Variants in DNAH10 observed in about 807,000 individuals in gnomAD.
DNAH10 encodes the protein dynein axonemal heavy chain 10.
Under a neutral mutation model 506.6 loss-of-function variants are expected in DNAH10, and 348 were observed. The observed-to-expected ratio is 0.69, with a 90% CI of 0.63 to 0.75. The LOEUF (loss-of-function observed/expected upper bound fraction) is 0.75, where lower values mean the gene tolerates loss of function less well. DNAH10 is among the 30% of genes least tolerant of loss of function. DNAH10 has a pLI of 0.00. For synonymous variants in DNAH10, 2,059 were observed against 2,198.6 expected (o/e 0.94, Z 1.78); for missense variants, 5,179 against 5,787.1 (o/e 0.89, Z 3.41).
At chr12:123,892,632 T>G (rs538081739) in intron 52 of DNAH10, among the ~76,000 whole-genome samples, 58 of 152,344 alleles carry the variant, frequency 3.8e-4, no homozygotes, top group African/African-American at 7.5e-4. Flanking sequence ...GCCTGCCACG[T>G]TAACTCTTCC....
At chr12:123,855,597 A>T (rs1390986416) in intron 36 of DNAH10, among the ~76,000 whole-genome samples, 1 of 150,326 alleles carries the variant, frequency 6.7e-6, no homozygotes, top group Non-Finnish European at 1.5e-5. Context: ...TGGCACTATT[A>T]CACTCCAGCC....
chr12:123,889,709 G>A (rs530648620), intron 52 of DNAH10, among the ~76,000 whole-genome samples: 63 of 152,280 alleles, frequency 4.1e-4, no homozygotes, highest in African/African-American at 1.4e-3. Context: ...ACTCCCTATG[G>A]CTGCTGTAGC....
rs1341801745 is a variant in DNAH10 at position 123,910,946 on chromosome 12, C to T, written c.10134+274C>T. Among the ~76,000 whole-genome samples, 7 of 152,012 alleles carry T rather than the reference C, an allele frequency of 4.6e-5. 1 individual carries two copies. The South Asian group carries it at 6.2e-4, about 14-fold the overall frequency. On this transcript the variant is annotated intron_variant, in intron 59 of 78. Coordinates refer to ENST00000673944, the MANE Select transcript of DNAH10 (RefSeq NM_001372106.1). Reference sequence around the variant, plus strand: ...TTCAGACCAGGCGTGGTAGCTCATGCCTGTAATCCAGCACTTTGGAAGGCC... The same window carrying T: ...TTCAGACCAGGCGTGGTAGCTCATGTCTGTAATCCAGCACTTTGGAAGGCC...
intron 50 of DNAH10, among the ~76,000 whole-genome samples, 163 bp from the exon 51 acceptor site, chr12:123,881,462 T>C (rs1343368057): frequency 1.3e-5 from 2 of 152,246 alleles, no homozygotes; most frequent in Non-Finnish European, 2.9e-5. Context: ...TTGAGAAGTG[T>C]CTGTTCGTAT....
chr12:123,928,131 A>C lies in DNAH10; in HGVS notation c.12106-256A>C. On this transcript the variant is annotated intron_variant, in intron 69 of 78. Coordinates refer to ENST00000673944, the MANE Select transcript of DNAH10 (RefSeq NM_001372106.1). This position sits in a 1 kb window ranked among gnomAD's most constrained non-coding sequence, Gnocchi z 4.9. Reference sequence around the variant, plus strand: ...GGGAGGAGCTGGGACTTCCAGGGCCAGGGAGGCAGATGAGTGCAAAATGCT... The same window carrying C: ...GGGAGGAGCTGGGACTTCCAGGGCCCGGGAGGCAGATGAGTGCAAAATGCT... 1 of 572,636 alleles carries C rather than the reference A, an allele frequency of 1.7e-6. No homozygotes were observed. The highest frequency in any genetic ancestry group is 1.9e-5 in the African/African-American group (1 of 53,434). The allele number at this position is 572,636 out of a possible 1,614,324, so 35.5% of individuals were successfully genotyped here.
At position 123,835,270 on chromosome 12, in the gene DNAH10, C is replaced by T. The variant is rs1298076215; in HGVS notation, c.4780-136C>T. ...GAGGGGAGCTGGCCATGCAGATGCT[C>T]ACTCTGTCACCTTGCCTGGAAGGTC... On this transcript the variant is annotated intron_variant, in intron 27 of 78. Transcript: ENST00000673944. The T allele has an allele frequency of 3.4e-5, 32 of 927,870 alleles. No individual in the cohort carries two copies. The East Asian group carries it at 8.6e-4, about 25-fold the overall frequency. The allele number at this position is 927,870 out of a possible 1,614,324, so 57.5% of individuals were successfully genotyped here.
chr12:123,897,810 G>A lies in DNAH10; in HGVS notation c.9321G>A (p.Val3107=). 1.9e-6 allele frequency: 3 copies of A among 1,609,424 alleles called. No homozygotes were observed. Among genetic ancestry groups the A allele is most frequent in the Non-Finnish European group, 2.5e-6 (3 of 1,178,782 alleles). The change falls in exon 55 of 79, where the codon GTG becomes GTA. Residue 3107 remains valine (V), a synonymous_variant. Transcript: ENST00000673944. ...PMIPAENIEN[V]VKHVVLVHQS... ...TCCCGGCAGAAAATATAGAAAATGT[G>A]GTGAAGCATGTTGTCTTGGTTCACC...
At chr12:123,887,440 T>G in intron 52 of DNAH10, 127 bp downstream of exon 52, 1 of 1,125,798 alleles carries the variant, frequency 8.9e-7, no homozygotes, top group Non-Finnish European at 1.2e-6. Context: ...TGTTCCTCCC[T>G]CACGGCGGCC....
chr12:123,907,254 A>G lies in DNAH10; in HGVS notation c.9816-2007A>G, dbSNP rs1483568642. 6.6e-6 allele frequency among the ~76,000 whole-genome samples: 1 copy of G among 152,228 alleles called. No individual in the cohort carries two copies. Among genetic ancestry groups the G allele is most frequent in the Admixed American group, 6.5e-5 (1 of 15,290 alleles). ...AGGGGGCACCTTCTCTGAGATTGCA[A>G]GGAGCTCGGCTGGAGAAAAAGCAGA... On this transcript the variant is annotated intron_variant, in intron 57 of 78. Coordinates refer to ENST00000673944, the MANE Select transcript of DNAH10 (RefSeq NM_001372106.1). The surrounding 1 kb of genome is among the most constrained non-coding windows in gnomAD (Gnocchi z 4.4).
intron 6 of DNAH10, among the ~76,000 whole-genome samples, chr12:123,781,816 C>T (rs559681542): frequency 1.3e-5 from 2 of 152,164 alleles, no homozygotes; most frequent in South Asian, 4.1e-4. Flanking sequence ...TAGTAGTCAA[C>T]ATCCAGTGAT....
chr12:123,894,405 C>T (rs545499124), intron 53 of DNAH10, among the ~76,000 whole-genome samples: 4 of 152,148 alleles, frequency 2.6e-5, no homozygotes, highest in East Asian at 1.9e-4. Context: ...TACAGGTGTG[C>T]ACCACTACTG....
intron 23 of DNAH10, among the ~76,000 whole-genome samples, chr12:123,819,649 C>G (rs1044181726): frequency 2.0e-5 from 3 of 151,418 alleles, no homozygotes; most frequent in Non-Finnish European, 4.4e-5. Context: ...GTCCTCTGCC[C>G]TTCACATCAC....
intron 30 of DNAH10, among the ~76,000 whole-genome samples, chr12:123,842,654 T>G (rs1950813134): frequency 6.6e-6 from 1 of 152,220 alleles, no homozygotes; most frequent in Non-Finnish European, 1.5e-5. Context: ...ATATCAAAAA[T>G]TTGTTTGCAT....
In DNAH10 at chr12:123,917,489, A is replaced by T; in HGVS notation, c.11003-95A>T. On this transcript the variant is annotated intron_variant, in intron 63 of 78. Coordinates refer to ENST00000673944, the MANE Select transcript of DNAH10 (RefSeq NM_001372106.1). This position sits in a 1 kb window ranked among gnomAD's most constrained non-coding sequence, Gnocchi z 5.6. ...CCTCGTGCCTCTGGCCTGCTGGCTGAGACCCGCGCTAAGCTTGTCCCGTCA... is the reference window on the plus strand; with the variant it reads ...CCTCGTGCCTCTGGCCTGCTGGCTGTGACCCGCGCTAAGCTTGTCCCGTCA... 1 of 1,291,494 alleles carries T rather than the reference A, an allele frequency of 7.7e-7. No homozygotes were observed. The highest frequency in any genetic ancestry group is 1.1e-6 in the Non-Finnish European group (1 of 937,778). The allele number at this position is 1,291,494 out of a possible 1,614,324, so 80.0% of individuals were successfully genotyped here. A position where few individuals can be genotyped will look rare whatever the true frequency, so the allele number is the denominator to read the frequency against.
intron 66 of DNAH10, 129 bp downstream of exon 66, chr12:123,923,996 T>G: frequency 5.2e-6 from 4 of 764,910 alleles, no homozygotes; most frequent in Non-Finnish European, 6.2e-6. Context: ...GCACTGCATT[T>G]TTCACTATTC....
chr12:123,923,199 A>G (rs1045369117), intron 65 of DNAH10: 5 of 152,206 alleles, frequency 3.3e-5, no homozygotes, highest in African/African-American at 1.2e-4. Flanking sequence ...CCAGCATCCA[A>G]ATCTGGCCCA....
chr12:123,854,807 G>C (rs1473264149), intron 36 of DNAH10, among the ~76,000 whole-genome samples: 1 of 152,190 alleles, frequency 6.6e-6, no homozygotes, highest in Non-Finnish European at 1.5e-5. Flanking sequence ...GGATGAGTGA[G>C]GATTTAGCAT....
At chr12:123,884,798 T>A (rs968952227) in intron 51 of DNAH10, among the ~76,000 whole-genome samples, 2 of 152,176 alleles carry the variant, frequency 1.3e-5, no homozygotes, top group African/African-American at 4.8e-5. Flanking sequence ...AATGGAATAA[T>A]CCTCACTGCA....
At chr12:123,914,704 C>A in intron 61 of DNAH10, 148 bp from the exon 62 acceptor site, 3 of 1,396,886 alleles carry the variant, frequency 2.1e-6, no homozygotes, top group African/African-American at 2.9e-5. Context: ...GCTGCAAACC[C>A]AGCACGGAGC....
Sources: allele counts gnomAD v4.1 joint callset (sites outside exome capture counted in the v4.1 genomes callset), GRCh38; gene constraint gnomAD v4.1.1; non-coding constraint Gnocchi (gnomAD v3.1); transcripts MANE v1.5; gene names NCBI Gene and HGNC (gene_info 2026-07-23, HGNC 2026-07-21).